NRXN3: variants seen among roughly 807,000 people sequenced by gnomAD.
NRXN3 encodes neurexin 3.
Under a neutral mutation model 137.6 loss-of-function variants are expected in NRXN3, and 32 were observed. The observed-to-expected ratio is 0.23, with a 90% CI of 0.18 to 0.31. The LOEUF (loss-of-function observed/expected upper bound fraction) is 0.31, where lower values mean the gene tolerates loss of function less well. Ranked by LOEUF, NRXN3 falls within the 10% of genes least tolerant of loss-of-function variation. NRXN3 has a pLI of 1.00. For missense variants in NRXN3, 1,574 were observed against 2,062.5 expected, an observed-to-expected ratio of 0.76 and a Z score of 4.59; for synonymous variants, 798 against 784.5, an observed-to-expected ratio of 1.02 and a Z score of -0.29.
intron 4 of NRXN3, among the ~76,000 whole-genome samples, chr14:78,556,924 C>T (rs1226709442): frequency 9.0e-6 from 1 of 110,652 alleles, no homozygotes; most frequent in Non-Finnish European, 1.9e-5. Flanking sequence ...CCTTCCCCTC[C>T]TCCTCCCCTG....
chr14:79,395,770 C>T (rs2095002113), intron 15 of NRXN3, among the ~76,000 whole-genome samples: 1 of 150,140 alleles, frequency 6.7e-6, no homozygotes, highest in Non-Finnish European at 1.5e-5. Flanking sequence ...GATCATGCCA[C>T]TGCACTCCCC....
chr14:79,151,922 A>G (rs765860512), intron 15 of NRXN3, among the ~76,000 whole-genome samples: 7 of 152,104 alleles, frequency 4.6e-5, no homozygotes, highest in African/African-American at 1.4e-4. Context: ...ATACTATAAC[A>G]TATTTCCATG....
chr14:79,744,147 A>T (rs531847570), intron 19 of NRXN3, among the ~76,000 whole-genome samples: 1 of 152,174 alleles, frequency 6.6e-6, no homozygotes, highest in Non-Finnish European at 1.5e-5. Flanking sequence ...AAATGCCTAC[A>T]TGCTGCATGA....
At chr14:79,835,044 A>C (rs2099335142) in intron 20 of NRXN3, among the ~76,000 whole-genome samples, 1 of 152,102 alleles carries the variant, frequency 6.6e-6, no homozygotes. Context: ...AGGTCATGTG[A>C]TATTTGTCTG....
intron 4 of NRXN3, among the ~76,000 whole-genome samples, chr14:78,494,493 C>T (rs1022228802): frequency 6.9e-6 from 1 of 144,246 alleles, no homozygotes; most frequent in South Asian, 2.2e-4. Context: ...GTCTGAGTCA[C>T]CAGAACTGGG....
chr14:79,702,601 A>T (rs2098758830), intron 19 of NRXN3, among the ~76,000 whole-genome samples: 1 of 152,000 alleles, frequency 6.6e-6, no homozygotes, highest in Non-Finnish European at 1.5e-5. Context: ...CAGAGAATGC[A>T]TAAGAGGGAG....
chr14:78,382,720 G>T (rs1356249580), intron 4 of NRXN3, among the ~76,000 whole-genome samples: 1 of 152,282 alleles, frequency 6.6e-6, no homozygotes, highest in Non-Finnish European at 1.5e-5. Context: ...TTCCTAGTAA[G>T]GGGAAGCTTG....
At chr14:79,164,881 A>G (rs892696206) in intron 15 of NRXN3, among the ~76,000 whole-genome samples, 2 of 151,960 alleles carry the variant, frequency 1.3e-5, no homozygotes, top group Admixed American at 6.6e-5. Context: ...GACTTAAAAT[A>G]TTTTTACCTA....
chr14:79,483,903 T>G (rs1030485614), intron 16 of NRXN3, among the ~76,000 whole-genome samples: 3 of 152,130 alleles, frequency 2.0e-5, no homozygotes, highest in African/African-American at 7.2e-5. Context: ...TTGCTAAAAT[T>G]TGAAAACACA....
At chr14:78,753,671 C>A (rs2098654129) in intron 8 of NRXN3, 1 of 152,116 alleles carries the variant, frequency 6.6e-6, no homozygotes, top group African/African-American at 2.4e-5. Context: ...AAGGAATTAC[C>A]TCCAGCATTT....
intron 4 of NRXN3, among the ~76,000 whole-genome samples, chr14:78,636,323 G>A (rs1380161730): frequency 1.3e-5 from 2 of 152,132 alleles, no homozygotes; most frequent in Non-Finnish European, 2.9e-5. Context: ...CATAAGGGCA[G>A]AGTTTACTGT....
In NRXN3 at chr14:78,806,125, A is replaced by C. The variant is rs1440956344; in HGVS notation, c.2248+2302A>C. On this transcript the variant is annotated intron_variant, in intron 9 of 20. Transcript: ENST00000335750. ...CCTGCTGCGTTGAACCATCTCAGGC[A>C]AAGGAGAGGTAGCCTCTCTGTAGAG... 3.3e-5 allele frequency among the ~76,000 whole-genome samples: 5 copies of C among 150,808 alleles called. No homozygotes were observed. The East Asian group carries it at 9.8e-4, about 29-fold the overall frequency.
chr14:78,416,520 C>T (rs1365734811), intron 4 of NRXN3, among the ~76,000 whole-genome samples: 4 of 152,156 alleles, frequency 2.6e-5, no homozygotes, highest in Non-Finnish European at 4.4e-5. Flanking sequence ...ATTTAACCCT[C>T]AAATGAAGGT....
In NRXN3 at chr14:79,444,779, G is replaced by C. The variant is rs1237683709; in HGVS notation, c.3263-22442G>C. On this transcript the variant is annotated intron_variant, in intron 15 of 20. Coordinates refer to ENST00000335750, the MANE Select transcript of NRXN3 (RefSeq NM_001330195.2). The stretch of plus-strand genomic sequence containing the variant: ...GGGGTTCTAGACTGCAGTGAGTTAT[G>C]ATCACCACTGCAGTCCAACCTGGGT... 1.1e-4 allele frequency among the ~76,000 whole-genome samples: 16 copies of C among 152,266 alleles called. No individual in the cohort carries two copies. In the East Asian group the frequency reaches 3.1e-3, roughly 29 times the overall value.
rs1394889121 is a variant in NRXN3 at position 78,421,282 on chromosome 14, A to G, written c.757+123422A>G. On this transcript the variant is annotated intron_variant, in intron 4 of 20. Coordinates refer to ENST00000335750, the MANE Select transcript of NRXN3 (RefSeq NM_001330195.2). The stretch of plus-strand genomic sequence containing the variant: ...ATCTCAAAAAAAAAAAAAAGAAAAA[A>G]AAGAAAAGAAAACGTGATTACATTG... 2.0e-5 allele frequency among the ~76,000 whole-genome samples: 3 copies of G among 151,954 alleles called. No individual in the cohort carries two copies. In the South Asian group the frequency reaches 6.2e-4, roughly 32 times the overall value.
intron 15 of NRXN3, among the ~76,000 whole-genome samples, chr14:79,255,933 A>C (rs2076508997): frequency 6.6e-6 from 1 of 152,188 alleles, no homozygotes. Flanking sequence ...CAATAATGGA[A>C]ATTTGCCATG....
In NRXN3 at chr14:79,512,195, G is replaced by A. The variant is rs558733667; in HGVS notation, c.3444+44793G>A. Among the ~76,000 whole-genome samples the A allele has an allele frequency of 4.6e-5, 7 of 152,088 alleles. No individual in the cohort carries two copies. The South Asian group carries it at 8.3e-4, about 18-fold the overall frequency. ...ATTACAGGCGAGAGCCACTGTGCCC[G>A]GCCTTATAATAAATAGATGTATCAA... On this transcript the variant is annotated intron_variant, in intron 16 of 20. Transcript: ENST00000335750.
In NRXN3 at chr14:78,651,290, C is replaced by T; in HGVS notation, c.1185C>T (p.Ser395=). 6.2e-7 allele frequency: 1 copy of T among 1,614,068 alleles called. No individual in the cohort carries two copies. Among genetic ancestry groups the T allele is most frequent in the African/African-American group, 1.3e-5 (1 of 75,032 alleles). ...GSPSTADLPG[S]PVSNNFMGCL... ...CAAGTACCGCTGACTTGCCTGGCTC[C>T]CCTGTCAGCAACAACTTCATGGGCT... Residue 395 remains serine (S), a synonymous_variant, in exon 6 of 21, where the codon TCC becomes TCT. Coordinates refer to ENST00000335750, the MANE Select transcript of NRXN3 (RefSeq NM_001330195.2).
intron 4 of NRXN3, among the ~76,000 whole-genome samples, chr14:78,590,601 G>A (rs1463844579): frequency 6.6e-6 from 1 of 152,136 alleles, no homozygotes; most frequent in Non-Finnish European, 1.5e-5. Context: ...ATGGAAAATA[G>A]GCCTATTTCC....
Sources: allele counts gnomAD v4.1 joint callset (sites outside exome capture counted in the v4.1 genomes callset), GRCh38; gene constraint gnomAD v4.1.1; transcripts MANE v1.5; gene names NCBI Gene and HGNC (gene_info 2026-07-23, HGNC 2026-07-21).